Variants in DIP2C observed in about 807,000 individuals in gnomAD.
The protein encoded by DIP2C is DIP2 acetate--CoA ligase C (putative).
In DIP2C, 33 loss-of-function variants were observed where a neutral mutation model predicts 192.4. That is an observed-to-expected ratio of 0.17 (90% CI 0.13 to 0.23). The LOEUF (loss-of-function observed/expected upper bound fraction) is 0.23. DIP2C is among the 10% of genes least tolerant of loss of function. The probability of loss-of-function intolerance (pLI) is 1.00; values close to 1 mark genes in which losing one functional copy is unlikely to be tolerated. For missense variants in DIP2C, 1,537 were observed against 2,110.1 expected (o/e 0.73, Z 5.32); for synonymous variants, 979 against 864.1 (o/e 1.13, Z -2.33).
At chr10:656,740 G>T (rs148244055) in intron 1 of DIP2C, among the ~76,000 whole-genome samples, 4,054 of 152,194 alleles carry the variant, frequency 0.027, 93 homozygotes, top group Non-Finnish European at 0.042. Context: ...TTGAAGGAGT[G>T]ACAGGAAGAC....
At chr10:390,141 A>C (rs1554840407) in intron 12 of DIP2C, 48 bp from the exon 13 acceptor site, 3 of 1,596,516 alleles carry the variant, frequency 1.9e-6, no homozygotes, top group Non-Finnish European at 2.6e-6. Context: ...AGGTCACGGC[A>C]GTTTTTCTGG....
At chr10:602,477 C>T (rs1241440816) in intron 1 of DIP2C, among the ~76,000 whole-genome samples, 1 of 152,190 alleles carries the variant, frequency 6.6e-6, no homozygotes, top group East Asian at 1.9e-4. Context: ...CTTTGGGAGG[C>T]CTCGCTCTCA....
intron 1 of DIP2C, among the ~76,000 whole-genome samples, chr10:566,094 T>G (rs1444140527): frequency 6.6e-6 from 1 of 152,230 alleles, no homozygotes; most frequent in Non-Finnish European, 1.5e-5. Context: ...CACTGGGACA[T>G]GCTCTAAGAA....
intron 1 of DIP2C, among the ~76,000 whole-genome samples, chr10:661,565 C>G (rs1163478642): frequency 1.3e-5 from 2 of 152,194 alleles, no homozygotes; most frequent in Admixed American, 1.3e-4. Context: ...GGGACTTTGT[C>G]CTGGAAACTC....
chr10:340,670 T>G (rs769872492), intron 29 of DIP2C: 1 of 430,052 alleles, frequency 2.3e-6, no homozygotes, highest in East Asian at 7.2e-5. Context: ...TTTCTGGTCA[T>G]TCATTCATCC....
At chr10:515,952 T>C (rs1846323623) in intron 1 of DIP2C, among the ~76,000 whole-genome samples, 1 of 152,046 alleles carries the variant, frequency 6.6e-6, no homozygotes, top group East Asian at 2.0e-4. Flanking sequence ...ACGGAGAGTT[T>C]AGCTGCAGAA....
chr10:537,008 A>AG (rs1453531207), intron 1 of DIP2C, among the ~76,000 whole-genome samples: 1 of 152,208 alleles, frequency 6.6e-6, no homozygotes, highest in Non-Finnish European at 1.5e-5. Context: ...ATCAGTCATG[A>AG]GGCTGGCTGT....
intron 1 of DIP2C, among the ~76,000 whole-genome samples, chr10:674,781 T>TAGAGAGAGAG (rs1222734142): frequency 2.0e-5 from 2 of 98,064 alleles, no homozygotes; most frequent in African/African-American, 1.1e-4. Flanking sequence ...AATATATATA[T>TAGAGAGAGAG]ATATATATAG....
intron 2 of DIP2C, among the ~76,000 whole-genome samples, chr10:473,223 T>C (rs1970778908): frequency 6.6e-6 from 1 of 152,212 alleles, no homozygotes; most frequent in East Asian, 1.9e-4. Flanking sequence ...TGTCACATAT[T>C]GATTACATTC....
At chr10:416,335 T>C (rs1459660718) in intron 6 of DIP2C, among the ~76,000 whole-genome samples, 1 of 151,978 alleles carries the variant, frequency 6.6e-6, no homozygotes, top group Non-Finnish European at 1.5e-5. Flanking sequence ...CACACCAGCA[T>C]TCAGCCTCAT....
chr10:503,226 C>T (rs1845373996), intron 1 of DIP2C, among the ~76,000 whole-genome samples: 1 of 152,238 alleles, frequency 6.6e-6, no homozygotes, highest in Non-Finnish European at 1.5e-5. Flanking sequence ...AGGACACCGA[C>T]CTGCGGACTT....
chr10:606,235 A>T (rs1417811875), intron 1 of DIP2C, among the ~76,000 whole-genome samples: 2 of 150,942 alleles, frequency 1.3e-5, no homozygotes, highest in African/African-American at 4.9e-5. Context: ...CATGGGCTCC[A>T]CCCACCCCCC....
intron 3 of DIP2C, among the ~76,000 whole-genome samples, chr10:460,123 A>G (rs904136076): frequency 6.6e-5 from 10 of 152,274 alleles, no homozygotes; most frequent in Non-Finnish European, 1.5e-4. Flanking sequence ...TTCCTCTCAC[A>G]GTCACATCAG....
In DIP2C at chr10:426,074, G is replaced by A. The variant is rs548785059; in HGVS notation, c.395-3041C>T. Among the ~76,000 whole-genome samples, 8 of 152,266 alleles carry A rather than the reference G, an allele frequency of 5.3e-5. No homozygotes were observed. The East Asian group carries it at 7.7e-4, about 15-fold the overall frequency. ...CCAGATTAGAAAAGAAGGAATAAAA[G>A]TGCCTTTATTCATAGATGACATGAC... On this transcript the variant is annotated intron_variant, in intron 4 of 36. Coordinates refer to ENST00000280886, the MANE Select transcript of DIP2C (RefSeq NM_014974.3).
chr10:438,458 C>G (rs1290982423), intron 4 of DIP2C, among the ~76,000 whole-genome samples: 2 of 151,952 alleles, frequency 1.3e-5, no homozygotes, highest in Non-Finnish European at 2.9e-5. Context: ...TAAGTTTTGG[C>G]AAATTATAAC....
intron 1 of DIP2C, among the ~76,000 whole-genome samples, chr10:506,679 T>C (rs1370697431): frequency 2.0e-5 from 3 of 151,978 alleles, no homozygotes; most frequent in African/African-American, 7.3e-5. Flanking sequence ...CTGCCTCCTA[T>C]CCCCCAACAC....
Position 644,689 on chromosome 10 carries a change from C to T in DIP2C, c.85+44805G>A, listed in dbSNP as rs149549188. On this transcript the variant is annotated intron_variant, in intron 1 of 36. Coordinates refer to ENST00000280886, the MANE Select transcript of DIP2C (RefSeq NM_014974.3). ...ATCTCAGACGTAGGGTTCAGCAACA[C>T]GGCCCACCATAGAGCCACATGGGCT... 1.4e-4 allele frequency among the ~76,000 whole-genome samples: 22 copies of T among 152,208 alleles called. No individual in the cohort carries two copies. In the East Asian group the frequency reaches 3.3e-3, roughly 23 times the overall value.
At chr10:439,571 C>CT (rs1320440711) in intron 4 of DIP2C, among the ~76,000 whole-genome samples, 2 of 152,166 alleles carry the variant, frequency 1.3e-5, no homozygotes, top group African/African-American at 4.8e-5. Flanking sequence ...GAGCCAAGAG[C>CT]TGCAATCATG....
At chr10:456,664 G>A (rs1385353160) in intron 3 of DIP2C, among the ~76,000 whole-genome samples, 11 of 152,226 alleles carry the variant, frequency 7.2e-5, no homozygotes, top group Admixed American at 3.3e-4. Context: ...CAGGCTGCAT[G>A]GAATTCCACC....
Sources: gnomAD v4.1 joint callset for allele counts (sites outside exome capture counted in the v4.1 genomes callset) on GRCh38, gnomAD v4.1.1 for gene constraint, MANE v1.5 for transcripts, NCBI Gene and HGNC (gene_info 2026-07-23, HGNC 2026-07-21) for gene names.